The following LRMDA variants were observed in gnomAD, a reference collection of about 807,000 sequenced individuals.
The protein encoded by LRMDA is leucine-rich melanocyte differentiation-associated protein.
In LRMDA, 18 loss-of-function variants were observed where a neutral mutation model predicts 29.8. That is an observed-to-expected ratio of 0.60 (90% CI 0.42 to 0.90). LRMDA has a LOEUF of 0.90. LRMDA is among the 40% of genes least tolerant of loss of function. The probability of loss-of-function intolerance (pLI) is 0.00; values close to 1 mark genes in which losing one functional copy is unlikely to be tolerated. For missense variants in LRMDA, 273 were observed against 273.9 expected (o/e 1.00, Z 0.02); for synonymous variants, 125 against 109.4 (o/e 1.14, Z -0.89).
intron 2 of LRMDA, among the ~76,000 whole-genome samples, chr10:75,702,650 A>G (rs1409068007): frequency 6.6e-6 from 1 of 152,240 alleles, no homozygotes. Flanking sequence ...CATTGATGAC[A>G]TATTTCTAGA....
intron 6 of LRMDA, among the ~76,000 whole-genome samples, chr10:76,367,501 C>T (rs7904802): frequency 0.89 from 134,949 of 151,858 alleles, 60,667 homozygotes; most frequent in Non-Finnish European, 0.96. Context: ...CTCAGCTCAC[C>T]GTAACCTCTG....
intron 3 of LRMDA, among the ~76,000 whole-genome samples, chr10:76,037,431 T>A (rs999417460): frequency 9.9e-5 from 15 of 152,256 alleles, no homozygotes; most frequent in African/African-American, 3.6e-4. Context: ...TATGCCAGCA[T>A]TTAAGAATGA....
intron 6 of LRMDA, among the ~76,000 whole-genome samples, chr10:76,327,569 A>G (rs191216290): frequency 1.3e-5 from 2 of 152,332 alleles, no homozygotes; most frequent in Admixed American, 6.5e-5. Context: ...TTGTGATTAC[A>G]TATGTTCACC....
intron 2 of LRMDA, among the ~76,000 whole-genome samples, chr10:76,026,602 C>T (rs1848067583): frequency 6.6e-6 from 1 of 152,180 alleles, no homozygotes; most frequent in Admixed American, 6.5e-5. Context: ...TTACACCCTT[C>T]CCATAGTTAG....
At chr10:75,593,641 G>C (rs1240235124) in intron 2 of LRMDA, among the ~76,000 whole-genome samples, 1 of 152,224 alleles carries the variant, frequency 6.6e-6, no homozygotes, top group Non-Finnish European at 1.5e-5. Flanking sequence ...ATTTGCACAG[G>C]CTTCATCCCC....
At chr10:76,083,518 A>T (rs1203080967) in intron 5 of LRMDA, among the ~76,000 whole-genome samples, 3 of 152,186 alleles carry the variant, frequency 2.0e-5, no homozygotes, top group Non-Finnish European at 4.4e-5. Context: ...ATAATTTTAT[A>T]ACATAGGTAT....
At position 76,253,535 on chromosome 10, in the gene LRMDA, G is replaced by A. The variant is rs11001709; in HGVS notation, c.517-70866G>A. The stretch of plus-strand genomic sequence containing the variant: ...GAAGAGAGGGGGAGAGAGAGAGAGA[G>A]AGAGAGATTGATTTGGCCTAGCTCA... On this transcript the variant is annotated intron_variant, in intron 5 of 6. Coordinates refer to ENST00000611255, the MANE Select transcript of LRMDA (RefSeq NM_001305581.2). Among the ~76,000 whole-genome samples, 658 of 152,070 alleles carry A rather than the reference G, an allele frequency of 4.3e-3. 5 individuals carry two copies. The highest frequency in any genetic ancestry group is 0.015 in the African/African-American group (626 of 41,462).
At chr10:75,453,482 T>G (rs1303307626) in intron 2 of LRMDA, among the ~76,000 whole-genome samples, 1 of 152,226 alleles carries the variant, frequency 6.6e-6, no homozygotes, top group East Asian at 1.9e-4. Flanking sequence ...ATGGGATCAT[T>G]TAGATGTATT....
intron 5 of LRMDA, among the ~76,000 whole-genome samples, chr10:76,093,368 T>G (rs1332527033): frequency 2.0e-5 from 3 of 149,464 alleles, no homozygotes; most frequent in Non-Finnish European, 4.4e-5. Flanking sequence ...AAAGAAAGGA[T>G]CTTCCCCTCC....
chr10:75,527,998 C>T (rs1845433779), intron 2 of LRMDA, among the ~76,000 whole-genome samples: 1 of 151,940 alleles, frequency 6.6e-6, no homozygotes, highest in African/African-American at 2.4e-5. Flanking sequence ...GTTGCCCAGG[C>T]TGGTCTTGAA....
At chr10:75,987,800 A>G (rs1847286762) in intron 2 of LRMDA, among the ~76,000 whole-genome samples, 1 of 152,222 alleles carries the variant, frequency 6.6e-6, no homozygotes, top group Non-Finnish European at 1.5e-5. Context: ...GGGAGGGAGC[A>G]CTGGGCAGCC....
chr10:76,335,283 T>C lies in LRMDA; in HGVS notation c.601+10798T>C, dbSNP rs113023162. 2.0e-3 allele frequency among the ~76,000 whole-genome samples: 308 copies of C among 152,332 alleles called. 2 individuals carry two copies. Among genetic ancestry groups the C allele is most frequent in the African/African-American group, 7.0e-3 (291 of 41,574 alleles). ...TAAGATGATCTGGCTTTGCAGAGTG[T>C]AGTGCTCTCATATGTCTCCCACATG... On this transcript the variant is annotated intron_variant, in intron 6 of 6. Transcript: ENST00000611255.
At chr10:76,133,777 A>T (rs1312066237) in intron 5 of LRMDA, among the ~76,000 whole-genome samples, 1 of 152,126 alleles carries the variant, frequency 6.6e-6, no homozygotes, top group Non-Finnish European at 1.5e-5. Context: ...TCAACCGCTC[A>T]TCATTTATAC....
intron 2 of LRMDA, among the ~76,000 whole-genome samples, chr10:75,744,406 T>C (rs974807599): frequency 2.0e-5 from 3 of 152,230 alleles, no homozygotes; most frequent in African/African-American, 7.2e-5. Context: ...GAATAGACTC[T>C]TGTGTATAAA....
chr10:76,034,692 C>A (rs1003695716), intron 2 of LRMDA, among the ~76,000 whole-genome samples: 1 of 152,206 alleles, frequency 6.6e-6, no homozygotes, highest in South Asian at 2.1e-4. Flanking sequence ...ACACTCACAG[C>A]AGATGTGCAG....
chr10:75,605,494 G>A (rs1430438615), intron 2 of LRMDA, among the ~76,000 whole-genome samples: 3 of 152,102 alleles, frequency 2.0e-5, no homozygotes, highest in Non-Finnish European at 2.9e-5. Context: ...CCCAGCAGTC[G>A]AAGGACAAGA....
intron 5 of LRMDA, among the ~76,000 whole-genome samples, chr10:76,279,228 G>A (rs1840172178): frequency 6.6e-6 from 1 of 152,186 alleles, no homozygotes. Flanking sequence ...TATGACCTTG[G>A]ACAAGTTACT....
At chr10:75,853,850 AT>A (rs927594386) in intron 2 of LRMDA, among the ~76,000 whole-genome samples, 24 of 152,222 alleles carry the variant, frequency 1.6e-4, no homozygotes, top group African/African-American at 5.5e-4. Context: ...CCCAACTCTT[AT>A]TAGATTCCTA....
Position 76,324,427 on chromosome 10 carries a change from C to T in LRMDA, c.543C>T (p.Ser181=). The T allele has an allele frequency of 6.2e-7, 1 of 1,614,048 alleles. No homozygotes were observed. The highest frequency in any genetic ancestry group is 8.5e-7 in the Non-Finnish European group (1 of 1,180,016). The change falls in exon 6 of 7, where the codon TCC becomes TCT. Residue 181 remains serine (S), a synonymous_variant. Coordinates refer to ENST00000611255, the MANE Select transcript of LRMDA (RefSeq NM_001305581.2). ...PKASSEDVAS[S]PERHYTPLPS... is the part of the protein sequence containing the mutation. ...CTTCTAGTGAGGACGTTGCCAGCTC[C>T]CCGGAGCGCCACTACACGCCCTTGC... is the stretch of plus-strand genomic sequence containing the variant.
Sources: allele counts gnomAD v4.1 joint callset (sites outside exome capture counted in the v4.1 genomes callset), GRCh38; gene constraint gnomAD v4.1.1; transcripts MANE v1.5; gene names NCBI Gene and HGNC (gene_info 2026-07-23, HGNC 2026-07-21).